Variants in LRBA observed in about 807,000 individuals in gnomAD.
The protein encoded by LRBA is LPS responsive beige-like anchor protein.
In LRBA, 176 loss-of-function variants were observed where a neutral mutation model predicts 330.0. The observed-to-expected ratio is 0.53, with a 90% CI of 0.47 to 0.60. The LOEUF (loss-of-function observed/expected upper bound fraction) is 0.60, where lower values mean the gene tolerates loss of function less well. Ranked by LOEUF, LRBA falls within the 20% of genes least tolerant of loss-of-function variation. LRBA has a pLI of 0.00. For synonymous variants in LRBA, 1,230 were observed against 1,193.0 expected (o/e 1.03, Z -0.64); for missense variants, 3,259 against 3,444.8 (o/e 0.95, Z 1.35).
At chr4:150,793,832 T>C (rs1257778265) in intron 34 of LRBA, among the ~76,000 whole-genome samples, 1 of 152,180 alleles carries the variant, frequency 6.6e-6, no homozygotes, top group Non-Finnish European at 1.5e-5. Flanking sequence ...TCCATAAATA[T>C]TCACTAAGCC....
At chr4:150,367,610 C>T (rs1483352719) in intron 47 of LRBA, among the ~76,000 whole-genome samples, 1 of 152,176 alleles carries the variant, frequency 6.6e-6, no homozygotes, top group Non-Finnish European at 1.5e-5. Flanking sequence ...TATGCCGAAA[C>T]TCGGATTTAT....
intron 55 of LRBA, among the ~76,000 whole-genome samples, chr4:150,278,359 G>A (rs1304825967): frequency 6.6e-6 from 1 of 152,186 alleles, no homozygotes; most frequent in Non-Finnish European, 1.5e-5. Flanking sequence ...TAATAAGCCT[G>A]TTTTGTCCCA....
At chr4:150,500,183 T>C (rs1243948206) in intron 40 of LRBA, among the ~76,000 whole-genome samples, 1 of 152,052 alleles carries the variant, frequency 6.6e-6, no homozygotes, top group East Asian at 1.9e-4. Context: ...CTATACATTA[T>C]GTGTATACAA....
chr4:150,529,064 C>T (rs1561308031), intron 40 of LRBA, among the ~76,000 whole-genome samples: 1 of 152,048 alleles, frequency 6.6e-6, no homozygotes, highest in African/African-American at 2.4e-5. Context: ...TACATGTCAC[C>T]AGGACTTATG....
Position 150,662,103 on chromosome 4 carries a change from A to G in LRBA, c.5921+21448T>C, listed in dbSNP as rs185504135. Among the ~76,000 whole-genome samples the G allele has an allele frequency of 2.0e-5, 3 of 152,334 alleles. No individual in the cohort carries two copies. In the East Asian group the frequency reaches 5.8e-4, roughly 29 times the overall value. ...AGAGCAAGTGTCTAAAATACACTTTAAAGTCTGAAAGAGATTAAGTGGAAA... is the reference window on the plus strand; with the variant it reads ...AGAGCAAGTGTCTAAAATACACTTTGAAGTCTGAAAGAGATTAAGTGGAAA... On this transcript the variant is annotated intron_variant, in intron 37 of 56. Transcript: ENST00000651943.
At chr4:150,901,810 C>T (rs1250843408) in intron 13 of LRBA, among the ~76,000 whole-genome samples, 3 of 152,080 alleles carry the variant, frequency 2.0e-5, no homozygotes, top group South Asian at 2.1e-4. Context: ...ACTGACCTGC[C>T]GCAAAATGTT....
chr4:150,490,711 A>C (rs1758803206), intron 41 of LRBA, among the ~76,000 whole-genome samples: 1 of 151,928 alleles, frequency 6.6e-6, no homozygotes, highest in Non-Finnish European at 1.5e-5. Flanking sequence ...GATATGGCAA[A>C]AAAAAGAAAA....
Position 150,928,958 on chromosome 4 carries a change from T to C in LRBA, c.324A>G (p.Ala108=). The C allele has an allele frequency of 1.9e-6, 3 of 1,614,000 alleles. No individual in the cohort carries two copies. Among genetic ancestry groups the C allele is most frequent in the Non-Finnish European group, 2.5e-6 (3 of 1,179,958 alleles). ...TGGCTGTAAACATGCTCCAGACTTC[T>C]GCTTGGCACGTAATGTCACATTTTT... ...LLEKCDITCQ[A]EVWSMFTAIL... Residue 108 remains alanine, a synonymous_variant, in exon 3 of 57, where the codon GCA becomes GCG. Transcript: ENST00000651943.
chr4:150,405,592 G>T (rs193033831), intron 47 of LRBA, among the ~76,000 whole-genome samples: 44 of 151,950 alleles, frequency 2.9e-4, no homozygotes, highest in Admixed American at 2.9e-3. Context: ...GGAGATAAAA[G>T]ATCATATAAC....
At chr4:150,455,244 G>A (rs867030689) in intron 44 of LRBA, among the ~76,000 whole-genome samples, 9 of 151,158 alleles carry the variant, frequency 6.0e-5, no homozygotes, top group Non-Finnish European at 1.2e-4. Flanking sequence ...TTGTTCTTGC[G>A]ATAGAAATAC....
Position 150,583,030 on chromosome 4 carries a change from A to T in LRBA, c.6330+5018T>A. The T allele has an allele frequency of 6.3e-7, 1 of 1,587,312 alleles. No individual in the cohort carries two copies. Among genetic ancestry groups the T allele is most frequent in the Non-Finnish European group, 8.6e-7 (1 of 1,165,144 alleles). ...GTATAGCCCGGACCTGTGCCCCAAC[A>T]TGATCGCCGCTCAGGCCAAGCTGGT... On this transcript the variant is annotated intron_variant, in intron 40 of 56. Coordinates refer to ENST00000651943, the MANE Select transcript of LRBA (RefSeq NM_001364905.1). The surrounding 1 kb of genome is among the most constrained non-coding windows in gnomAD (Gnocchi z 9.8).
chr4:150,480,487 T>C (rs1446115934), intron 42 of LRBA, among the ~76,000 whole-genome samples: 1 of 152,000 alleles, frequency 6.6e-6, no homozygotes, highest in Non-Finnish European at 1.5e-5. Context: ...CAAAATCCAA[T>C]CATTTTTATC....
At chr4:150,492,530 A>C (rs536575489) in intron 40 of LRBA, among the ~76,000 whole-genome samples, 1 of 152,262 alleles carries the variant, frequency 6.6e-6, no homozygotes, top group East Asian at 1.9e-4. Context: ...CAGTTGGTCT[A>C]TGGCCCCAAG....
intron 37 of LRBA, among the ~76,000 whole-genome samples, chr4:150,602,867 G>A (rs76080176): frequency 0.01 from 1,573 of 152,238 alleles, 16 homozygotes; most frequent in Non-Finnish European, 0.015. Flanking sequence ...GACTTCATGT[G>A]TTCAGAAACA....
At chr4:150,834,539 T>TCTCA (rs908002229) in intron 28 of LRBA, among the ~76,000 whole-genome samples, 3 of 152,192 alleles carry the variant, frequency 2.0e-5, no homozygotes, top group African/African-American at 7.2e-5. Flanking sequence ...GAACAGCAGG[T>TCTCA]CTCACTAGTG....
chr4:150,913,925 T>C (rs1181251629), intron 9 of LRBA, among the ~76,000 whole-genome samples: 1 of 152,220 alleles, frequency 6.6e-6, no homozygotes, highest in Non-Finnish European at 1.5e-5. Flanking sequence ...TAAAATGTTT[T>C]AATACAGTCA....
At chr4:150,575,131 C>T (rs768645008) in intron 40 of LRBA, among the ~76,000 whole-genome samples, 1 of 151,820 alleles carries the variant, frequency 6.6e-6, no homozygotes, top group Admixed American at 6.6e-5. Flanking sequence ...CCTTGATATC[C>T]ATAGGCCAAG....
At chr4:150,559,713 TTA>T in intron 40 of LRBA, among the ~76,000 whole-genome samples, 1 of 89,616 alleles carries the variant, frequency 1.1e-5, no homozygotes, top group Admixed American at 1.9e-4. Context: ...TTATATAATA[TTA>T]TAGATTATAT....
intron 50 of LRBA, among the ~76,000 whole-genome samples, chr4:150,316,585 C>A (rs1032798928): frequency 3.3e-5 from 5 of 152,144 alleles, no homozygotes. Context: ...CAGCCATTCA[C>A]CCTGCTCAGT....
Sources: allele counts gnomAD v4.1 joint callset (sites outside exome capture counted in the v4.1 genomes callset), GRCh38; gene constraint gnomAD v4.1.1; non-coding constraint Gnocchi (gnomAD v3.1); transcripts MANE v1.5; gene names NCBI Gene and HGNC (gene_info 2026-07-23, HGNC 2026-07-21).